FZD3: variants seen among roughly 807,000 people sequenced by gnomAD.
FZD3 encodes the protein frizzled-3.
FZD3 carries 30 observed loss-of-function variants against 60.7 expected under a neutral mutation model. That is an observed-to-expected ratio of 0.49 (90% confidence interval 0.37 to 0.67). The LOEUF (loss-of-function observed/expected upper bound fraction) is 0.67, where lower values mean the gene tolerates loss of function less well. Ranked by LOEUF, FZD3 falls within the 30% of genes least tolerant of loss-of-function variation. FZD3 has a pLI of 0.00. For synonymous variants in FZD3, 246 were observed against 275.2 expected (o/e 0.89, Z 1.05); for missense variants, 605 against 838.7 (o/e 0.72, Z 3.44).
intron 5 of FZD3, among the ~76,000 whole-genome samples, chr8:28,541,870 A>G (rs553418012): frequency 6.6e-6 from 1 of 152,294 alleles, no homozygotes; most frequent in South Asian, 2.1e-4. Context: ...CACATATCTC[A>G]GATCCAATCC....
At position 28,530,542 on chromosome 8, in the gene FZD3, G is replaced by C. The variant is rs75451743; in HGVS notation, c.1404+2378G>C. The C allele has an allele frequency of 9.2e-5, 14 of 152,210 alleles. 1 individual carries two copies. The highest frequency in any genetic ancestry group is 3.1e-4 in the African/African-American group (13 of 41,522). 9.4% of individuals were successfully genotyped at this position (152,210 alleles called of 1,614,324 possible). ...AATAAGTGCTCAAAATGTTGGCTCT[G>C]TATTGTCTATTATTGTTGTTGCTAC... On this transcript the variant is annotated intron_variant, in intron 5 of 7. Transcript: ENST00000240093.
At chr8:28,507,625 G>T (rs1804174743) in intron 3 of FZD3, among the ~76,000 whole-genome samples, 1 of 152,080 alleles carries the variant, frequency 6.6e-6, no homozygotes, top group Non-Finnish European at 1.5e-5. Context: ...TTGACTATTG[G>T]ATTACTTTCA....
At chr8:28,539,280 A>G (rs1462343738) in intron 5 of FZD3, among the ~76,000 whole-genome samples, 2 of 152,158 alleles carry the variant, frequency 1.3e-5, no homozygotes, top group East Asian at 1.9e-4. Flanking sequence ...TGAGCTGTGC[A>G]TGTGAGGAAT....
chr8:28,537,922 G>C (rs949057499), intron 5 of FZD3, among the ~76,000 whole-genome samples: 3 of 151,950 alleles, frequency 2.0e-5, no homozygotes, highest in Non-Finnish European at 4.4e-5. Flanking sequence ...TTCAAGACTA[G>C]CCTGACCAAT....
intron 6 of FZD3, among the ~76,000 whole-genome samples, 170 bp from the exon 7 acceptor site, chr8:28,555,568 A>G (rs1448549905): frequency 6.6e-6 from 1 of 152,170 alleles, no homozygotes; most frequent in Non-Finnish European, 1.5e-5. Flanking sequence ...ATTGACATAG[A>G]TTGTTGTTCT....
At chr8:28,546,167 T>C (rs1805288642) in intron 5 of FZD3, among the ~76,000 whole-genome samples, 1 of 152,180 alleles carries the variant, frequency 6.6e-6, no homozygotes, top group Non-Finnish European at 1.5e-5. Flanking sequence ...ACTCAGAACA[T>C]ATCCCTGTTG....
intron 7 of FZD3, among the ~76,000 whole-genome samples, chr8:28,557,875 T>A (rs1461769743): frequency 6.6e-6 from 1 of 152,182 alleles, no homozygotes; most frequent in African/African-American, 2.4e-5. Flanking sequence ...TACAATACAC[T>A]TCAATAGGTA....
In FZD3 at chr8:28,568,942, TA is replaced by T. The variant is rs1805753634; in HGVS notation, c.*5936del. 1 of 152,178 alleles carries T rather than the reference TA, an allele frequency of 6.6e-6. No homozygotes were observed. Among genetic ancestry groups the T allele is most frequent in the Admixed American group, 6.5e-5 (1 of 15,292 alleles). The allele number at this position is 152,178 out of a possible 1,614,324, so 9.4% of individuals were successfully genotyped here. A position where few individuals can be genotyped will look rare whatever the true frequency, so the allele number is the denominator to read the frequency against. ...GTCACCAGTTTTTCCCGATAAAGAT[TA>T]AAAATGTTTTTTACCTTGAAATAAT... is the stretch of plus-strand genomic sequence containing the variant. On this transcript the variant is annotated 3_prime_UTR_variant, in exon 8 of 8. Transcript: ENST00000240093.
intron 5 of FZD3, 59 bp downstream of exon 5, chr8:28,528,223 C>T: frequency 7.7e-7 from 1 of 1,294,728 alleles, no homozygotes; most frequent in Non-Finnish European, 1.1e-6. Flanking sequence ...AAGCATATTA[C>T]TATAATGAGT....
chr8:28,549,247 C>T (rs1805360168), intron 5 of FZD3, among the ~76,000 whole-genome samples: 1 of 152,134 alleles, frequency 6.6e-6, no homozygotes, highest in Non-Finnish European at 1.5e-5. Flanking sequence ...CCTTAATTAC[C>T]TCTTTGAAGG....
At chr8:28,543,521 C>G (rs554583774) in intron 5 of FZD3, among the ~76,000 whole-genome samples, 1 of 152,256 alleles carries the variant, frequency 6.6e-6, no homozygotes, top group African/African-American at 2.4e-5. Context: ...GCTGGGATTG[C>G]AGGCACCTGC....
intron 5 of FZD3, among the ~76,000 whole-genome samples, chr8:28,547,632 G>C (rs937071414): frequency 1.3e-5 from 2 of 152,132 alleles, no homozygotes; most frequent in African/African-American, 4.8e-5. Flanking sequence ...TGAGCTCTAG[G>C]TGTGTCTTTT....
rs367945166 is a variant in FZD3, at chr8:28,541,768, C to T, written c.1405-9835C>T. On this transcript the variant is annotated intron_variant, in intron 5 of 7. Transcript: ENST00000240093. ...TTTCTCAAATCTGCTTCCTGCATCG[C>T]GTTCCCAGTTCTGCTCCATTCAGTA... 1.6e-4 allele frequency among the ~76,000 whole-genome samples: 25 copies of T among 152,282 alleles called. 1 individual carries two copies. Among genetic ancestry groups the T allele is most frequent in the East Asian group, 5.8e-4 (3 of 5,188 alleles).
At chr8:28,499,231 C>G (rs1288535470) in intron 1 of FZD3, among the ~76,000 whole-genome samples, 1 of 152,164 alleles carries the variant, frequency 6.6e-6, no homozygotes, top group Non-Finnish European at 1.5e-5. Flanking sequence ...GTTACATGTA[C>G]ATATATATTT....
intron 3 of FZD3, among the ~76,000 whole-genome samples, chr8:28,517,429 T>C (rs1804458029): frequency 1.3e-5 from 2 of 152,242 alleles, no homozygotes; most frequent in African/African-American, 4.8e-5. Context: ...TTTATCCTTC[T>C]TGCGGTTTGC....
At chr8:28,543,336 T>G (rs1307045844) in intron 5 of FZD3, among the ~76,000 whole-genome samples, 1 of 152,130 alleles carries the variant, frequency 6.6e-6, no homozygotes, top group African/African-American at 2.4e-5. Context: ...ATTTGAAGTC[T>G]GCTTCCCAGC....
chr8:28,553,472 C>T (rs1321776544), intron 6 of FZD3, among the ~76,000 whole-genome samples: 1 of 152,198 alleles, frequency 6.6e-6, no homozygotes, highest in Non-Finnish European at 1.5e-5. Context: ...TTGAATTAAA[C>T]ATTCCTGGAT....
chr8:28,505,549 G>C (rs1268163271), intron 3 of FZD3, among the ~76,000 whole-genome samples: 2 of 151,872 alleles, frequency 1.3e-5, no homozygotes, highest in Non-Finnish European at 2.9e-5. Flanking sequence ...ACAAGGTTTT[G>C]CCATGTTGCC....
At chr8:28,511,075 G>T (rs148853393) in intron 3 of FZD3, among the ~76,000 whole-genome samples, 1 of 151,940 alleles carries the variant, frequency 6.6e-6, no homozygotes, top group African/African-American at 2.4e-5. Context: ...TTGCCGGCAA[G>T]GTGCGGTGGC....
Sources: gnomAD v4.1 joint callset for allele counts (sites outside exome capture counted in the v4.1 genomes callset) on GRCh38, gnomAD v4.1.1 for gene constraint, MANE v1.5 for transcripts, NCBI Gene and HGNC (gene_info 2026-07-23, HGNC 2026-07-21) for gene names.